The following PROCR variants were observed in gnomAD, a reference collection of about 807,000 sequenced individuals.
PROCR encodes the protein endothelial protein C receptor.
A neutral mutation model predicts 24.2 loss-of-function variants in PROCR; 22 were observed. The observed-to-expected ratio is 0.91, with a 90% CI of 0.65 to 1.30. The LOEUF is 1.30. Ranked by LOEUF, PROCR falls within the 50% of genes most tolerant of loss-of-function variation. The probability of loss-of-function intolerance (pLI) is 0.00; values close to 1 mark genes in which losing one functional copy is unlikely to be tolerated. For missense variants in PROCR, 288 were observed against 307.7 expected, an observed-to-expected ratio of 0.94 and a Z score of 0.48; for synonymous variants, 137 against 139.2, an observed-to-expected ratio of 0.98 and a Z score of 0.11.
intron 1 of PROCR, among the ~76,000 whole-genome samples, chr20:35,193,478 C>T (rs1472098196): frequency 6.6e-6 from 1 of 152,152 alleles, no homozygotes; most frequent in Non-Finnish European, 1.5e-5. Flanking sequence ...CTGGCCTGCC[C>T]TGTTTCTTAA....
At chr20:35,214,876 C>T (rs1303662515) in intron 1 of PROCR, among the ~76,000 whole-genome samples, 2 of 151,040 alleles carry the variant, frequency 1.3e-5, no homozygotes, top group African/African-American at 2.4e-5. Context: ...CCTTTTCCTT[C>T]CTCCAGGCCT....
At chr20:35,171,754 C>T (rs924916888), upstream of PROCR, among the ~76,000 whole-genome samples, 1 of 152,138 alleles carries the variant, frequency 6.6e-6, no homozygotes, top group African/African-American at 2.4e-5. Flanking sequence ...ATCCTACTCC[C>T]AGGAGTGTGC....
At chr20:35,187,189 T>G (rs989433384) in intron 1 of PROCR, among the ~76,000 whole-genome samples, 1 of 151,344 alleles carries the variant, frequency 6.6e-6, no homozygotes, top group African/African-American at 2.4e-5. Context: ...TAGCTGGGAC[T>G]ACAGGCATGC....
Position 35,174,722 on chromosome 20 carries a change from C to T in PROCR, c.91C>T (p.Leu31Phe). 1 of 1,614,104 alleles carries T rather than the reference C, an allele frequency of 6.2e-7. No individual in the cohort carries two copies. Among genetic ancestry groups the T allele is most frequent in the South Asian group, 1.1e-5 (1 of 91,086 alleles). ...CGCAGGCCTCCAAAGACTTCATATGCTCCAGATCTCCTACTTCCGCGACCC... is the reference window on the plus strand; with the variant it reads ...CGCAGGCCTCCAAAGACTTCATATGTTCCAGATCTCCTACTTCCGCGACCC... The part of the protein sequence containing the change: ...ASDGLQRLHM[L>F]QISYFRDPYH... The change falls in exon 2 of 4, where the codon CTC becomes TTC. Residue 31 changes from leucine to phenylalanine, a missense_variant. By Grantham distance (22) the Leu-to-Phe change is conservative. Transcript: ENST00000216968.
intron 1 of PROCR, among the ~76,000 whole-genome samples, chr20:35,190,421 G>A (rs550480118): frequency 5.3e-5 from 8 of 152,194 alleles, no homozygotes; most frequent in South Asian, 2.1e-4. Context: ...CAACATCAAC[G>A]AACTTATCTC....
intron 1 of PROCR, among the ~76,000 whole-genome samples, chr20:35,210,461 C>A (rs1012281738): frequency 4.0e-5 from 6 of 151,710 alleles, no homozygotes; most frequent in Non-Finnish European, 8.8e-5. Flanking sequence ...GCGGGAGGAT[C>A]ACTTGAACTC....
chr20:35,185,518 A>G (rs913789635), intron 1 of PROCR, among the ~76,000 whole-genome samples: 6 of 152,126 alleles, frequency 3.9e-5, no homozygotes, highest in Non-Finnish European at 8.8e-5. Flanking sequence ...GGATAAAGAA[A>G]CTCTGGTATA....
chr20:35,207,119 T>C (rs2060345454), intron 1 of PROCR, among the ~76,000 whole-genome samples: 1 of 152,174 alleles, frequency 6.6e-6, no homozygotes, highest in Non-Finnish European at 1.5e-5. Flanking sequence ...TTCCATTTTA[T>C]ATGACAGTCT....
chr20:35,200,750 G>A (rs559633800), intron 1 of PROCR, among the ~76,000 whole-genome samples: 5 of 152,246 alleles, frequency 3.3e-5, no homozygotes, highest in African/African-American at 4.8e-5. Flanking sequence ...GGGTTCCAGC[G>A]ATTCTCCTGC....
At chr20:35,210,715 A>AT (rs534620031) in intron 1 of PROCR, among the ~76,000 whole-genome samples, 9,148 of 136,014 alleles carry the variant, frequency 0.067, 816 homozygotes, top group African/African-American at 0.21. Flanking sequence ...TCTTTTTTCC[A>AT]TTTTTTTTTT....
At chr20:35,181,674 A>G (rs1431422171), downstream of PROCR, among the ~76,000 whole-genome samples, 1 of 152,248 alleles carries the variant, frequency 6.6e-6, no homozygotes, top group African/African-American at 2.4e-5. Flanking sequence ...AACAACAGCA[A>G]TAACAGAGAA....
downstream of PROCR, among the ~76,000 whole-genome samples, chr20:35,181,441 A>G (rs1383869074): frequency 1.4e-5 from 2 of 147,704 alleles, no homozygotes; most frequent in African/African-American, 5.0e-5. Context: ...CGCCCGGCTA[A>G]TTTTTGTATT....
chr20:35,178,824 G>GT (rs1285831614), downstream of PROCR, among the ~76,000 whole-genome samples: 4 of 149,368 alleles, frequency 2.7e-5, no homozygotes, highest in East Asian at 2.0e-4. Flanking sequence ...CTAAGTCTCA[G>GT]TTTTTTTTGT....
chr20:35,205,484 G>A (rs1037675920), intron 1 of PROCR, among the ~76,000 whole-genome samples: 5 of 149,394 alleles, frequency 3.3e-5, no homozygotes, highest in Non-Finnish European at 7.4e-5. Context: ...GGGCGCAGTG[G>A]CTCACACCTA....
rs985918899 is a variant in PROCR at position 35,176,908 on chromosome 20, C to A, written c.*95C>A. ...GAAGCCAGACTCCCCAACTGAAACA[C>A]CAGAAGGTTTGGAGTGACAGCTCCT... On this transcript the variant is annotated 3_prime_UTR_variant, in exon 4 of 4. Coordinates refer to ENST00000216968, the MANE Select transcript of PROCR (RefSeq NM_006404.5). 1 of 1,550,386 alleles carries A rather than the reference C, an allele frequency of 6.5e-7. No homozygotes were observed. Among genetic ancestry groups the A allele is most frequent in the East Asian group, 2.4e-5 (1 of 41,694 alleles).
At position 35,176,443 on chromosome 20, in the gene PROCR, A is replaced by G; in HGVS notation, c.598A>G (p.Lys200Glu). The G allele has an allele frequency of 6.2e-7, 1 of 1,613,822 alleles. No individual in the cohort carries two copies. The part of the protein sequence containing the change: ...VQKHISAENT[K>E]GSQTSRSYTS... ...GAAACATATTTCCGCGGAAAACACG[A>G]AAGGTATGATGGGACGGGGCCCAGG... is the stretch of plus-strand genomic sequence containing the variant. Residue 200 changes from lysine (K) to glutamate (E), a missense_variant, in exon 3 of 4, where the codon AAA becomes GAA. Coordinates refer to ENST00000216968, the MANE Select transcript of PROCR (RefSeq NM_006404.5).
chr20:35,214,912 T>C (rs1461583159), intron 1 of PROCR, among the ~76,000 whole-genome samples: 3 of 145,818 alleles, frequency 2.1e-5, no homozygotes, highest in Non-Finnish European at 3.0e-5. Context: ...TTTTTCTTTT[T>C]TTTTTTTTTT....
intron 1 of PROCR, among the ~76,000 whole-genome samples, chr20:35,205,522 C>T (rs1299285950): frequency 6.7e-6 from 1 of 149,772 alleles, no homozygotes; most frequent in African/African-American, 2.4e-5. Context: ...GAGGCCGAGG[C>T]AGGCGGATCA....
chr20:35,195,832 A>G (rs923940886), intron 1 of PROCR, among the ~76,000 whole-genome samples: 4 of 151,126 alleles, frequency 2.6e-5, no homozygotes, highest in Non-Finnish European at 4.4e-5. Flanking sequence ...AAAAAAAAAA[A>G]AAAAAGAAAA....
Sources: allele counts gnomAD v4.1 joint callset (sites outside exome capture counted in the v4.1 genomes callset), GRCh38; gene constraint gnomAD v4.1.1; transcripts MANE v1.5; gene names NCBI Gene and HGNC (gene_info 2026-07-23, HGNC 2026-07-21).